The following TMEM243 variants were observed in gnomAD, a reference collection of about 807,000 sequenced individuals.
TMEM243 encodes transmembrane protein 243, also known as MDR1 and mitochondrial taxol resistance associated.
In TMEM243, 20 loss-of-function variants were observed where a neutral mutation model predicts 15.0. The ratio of observed to expected loss-of-function variants is 1.33; its 90% CI spans 0.94 to 1.93. TMEM243 has a LOEUF of 1.93. TMEM243 is among the 30% of genes most tolerant of loss of function. The pLI is 0.00. For synonymous variants in TMEM243, 72 were observed against 52.7 expected (o/e 1.37, Z -1.59); for missense variants, 156 against 142.1 (o/e 1.10, Z -0.50).
intron 3 of TMEM243, among the ~76,000 whole-genome samples, chr7:87,196,976 T>C (rs1584509069): frequency 6.6e-6 from 1 of 152,042 alleles, no homozygotes; most frequent in Admixed American, 6.6e-5. Context: ...CTCAGTTTAC[T>C]TTCCTCTATA....
At chr7:87,219,856 G>GCGCCGCC (rs1803386979), upstream of TMEM243, 1 of 321,120 alleles carries the variant, frequency 3.1e-6, no homozygotes, top group South Asian at 3.9e-5. Flanking sequence ...CGCCAGGGTA[G>GCGCCGCC]CGCCGCCCGC....
At chr7:87,198,295 A>C (rs117986766) in intron 2 of TMEM243, 5 of 367,068 alleles carry the variant, frequency 1.4e-5, no homozygotes, top group Non-Finnish European at 1.9e-5. Context: ...TGCCAAAATA[A>C]CTTCATTAAC....
chr7:87,215,550 C>A (rs1803043892), intron 1 of TMEM243, among the ~76,000 whole-genome samples: 1 of 152,112 alleles, frequency 6.6e-6, no homozygotes, highest in Admixed American at 6.5e-5. Flanking sequence ...ACATATATGG[C>A]TGCTCACATC....
chr7:87,210,398 G>A (rs1351363858), intron 1 of TMEM243, among the ~76,000 whole-genome samples: 1 of 152,236 alleles, frequency 6.6e-6, no homozygotes, highest in South Asian at 2.1e-4. Flanking sequence ...TAACTCAAAA[G>A]TCCAAGTCCA....
intron 1 of TMEM243, among the ~76,000 whole-genome samples, chr7:87,209,429 AGT>A (rs1180031184): frequency 1.3e-5 from 2 of 151,684 alleles, no homozygotes; most frequent in Non-Finnish European, 2.9e-5. Flanking sequence ...AGTGAAAGAG[AGT>A]GAGACAGAGA....
chr7:87,211,104 G>C (rs1802712043), intron 1 of TMEM243, among the ~76,000 whole-genome samples: 1 of 152,228 alleles, frequency 6.6e-6, no homozygotes, highest in Admixed American at 6.5e-5. Flanking sequence ...GAAGCTCTCT[G>C]AAATTCCCTG....
At chr7:87,200,696 G>C (rs1801734958) in intron 1 of TMEM243, among the ~76,000 whole-genome samples, 1 of 152,132 alleles carries the variant, frequency 6.6e-6, no homozygotes, top group Non-Finnish European at 1.5e-5. Context: ...GGATGAAATG[G>C]TAATATGACT....
chr7:87,201,646 T>C (rs777310548), intron 1 of TMEM243, among the ~76,000 whole-genome samples: 7 of 152,200 alleles, frequency 4.6e-5, no homozygotes, highest in Non-Finnish European at 1.0e-4. Flanking sequence ...ATGCTCCAAA[T>C]TGGAGCTAGA....
At chr7:87,209,786 G>A (rs1802579110) in intron 1 of TMEM243, among the ~76,000 whole-genome samples, 1 of 145,586 alleles carries the variant, frequency 6.9e-6, no homozygotes, top group South Asian at 2.2e-4. Context: ...GAGCGAGACA[G>A]TGAGAGCGAG....
intron 1 of TMEM243, among the ~76,000 whole-genome samples, chr7:87,206,544 A>T (rs908323169): frequency 2.0e-5 from 3 of 152,344 alleles, no homozygotes; most frequent in Admixed American, 6.5e-5. Flanking sequence ...TCAATCAGAT[A>T]ACAGAGATGG....
At chr7:87,196,945 G>C (rs180808253) in intron 3 of TMEM243, among the ~76,000 whole-genome samples, 187 bp from the exon 4 acceptor site, 292 of 151,952 alleles carry the variant, frequency 1.9e-3, no homozygotes, top group African/African-American at 6.8e-3. Context: ...CCACATCCAA[G>C]ATCATACTTA....
At chr7:87,205,576 T>C (rs369559392) in intron 1 of TMEM243, among the ~76,000 whole-genome samples, 3 of 152,180 alleles carry the variant, frequency 2.0e-5, no homozygotes, top group African/African-American at 4.8e-5. Context: ...CACAAATCTC[T>C]AGGGCTGGGG....
At chr7:87,201,673 G>A (rs900678685) in intron 1 of TMEM243, among the ~76,000 whole-genome samples, 5 of 152,176 alleles carry the variant, frequency 3.3e-5, no homozygotes, top group Admixed American at 6.5e-5. Flanking sequence ...GGAGAAAAGT[G>A]AGTAATACAT....
chr7:87,200,398 T>A (rs1177026063), intron 1 of TMEM243, among the ~76,000 whole-genome samples: 1 of 152,164 alleles, frequency 6.6e-6, no homozygotes, highest in African/African-American at 2.4e-5. Flanking sequence ...CACTTTAACT[T>A]CTTCCCACAT....
In TMEM243 at chr7:87,196,699, G is replaced by A; in HGVS notation, c.294C>T (p.Ile98=). The A allele has an allele frequency of 6.2e-7, 1 of 1,608,854 alleles. No individual in the cohort carries two copies. The highest frequency in any genetic ancestry group is 8.5e-7 in the Non-Finnish European group (1 of 1,177,070). ...TACACAACATGATGATAGAAAATATGATATAGTAAATTAGCTTTCTAAATT... is the reference window on the plus strand; with the variant it reads ...TACACAACATGATGATAGAAAATATAATATAGTAAATTAGCTTTCTAAATT... ...EPKFRKLIYY[I]IFSIIMLCIC... The change falls in exon 4 of 4, where the codon ATC becomes ATT. Residue 98 remains isoleucine (I), a synonymous_variant. Transcript: ENST00000257637.
chr7:87,196,644 C>T lies in TMEM243; in HGVS notation c.349G>A (p.Gly117Arg), dbSNP rs750641077. The T allele has an allele frequency of 1.2e-5, 19 of 1,608,420 alleles. No homozygotes were observed. Among genetic ancestry groups the T allele is most frequent in the Non-Finnish European group, 1.2e-5 (14 of 1,177,620 alleles). ...ACTTCTCCTTGGCAGCCTCACCTTC[C>T]CACATCATGGAAGTACAGGTTTGCA... ...ICANLYFHDV[G>R]R The change falls in exon 4 of 4, where the codon GGA (glycine) becomes AGA (arginine). Residue 117 changes from glycine (G) to arginine (R), a missense_variant. Gly to Arg is a moderately radical substitution (Grantham distance 125, BLOSUM62 -2). Transcript: ENST00000257637.
At chr7:87,217,448 T>C (rs1198170898) in intron 1 of TMEM243, among the ~76,000 whole-genome samples, 4 of 152,212 alleles carry the variant, frequency 2.6e-5, no homozygotes, top group African/African-American at 9.7e-5. Context: ...TCCTGGGCCT[T>C]ACCCTCCTCA....
At chr7:87,214,576 A>G (rs2129238549) in intron 1 of TMEM243, among the ~76,000 whole-genome samples, 1 of 152,338 alleles carries the variant, frequency 6.6e-6, no homozygotes, top group South Asian at 2.1e-4. Flanking sequence ...AACAGTTTAT[A>G]AAGTGCTACT....
Position 87,219,544 on chromosome 7 carries a change from G to A in TMEM243, c.-41C>T, listed in dbSNP as rs1304655862. 1 of 1,579,452 alleles carries A rather than the reference G, an allele frequency of 6.3e-7. No homozygotes were observed. Among genetic ancestry groups the A allele is most frequent in the African/African-American group, 1.3e-5 (1 of 74,198 alleles). On this transcript the variant is annotated 5_prime_UTR_variant, in exon 1 of 4. Transcript: ENST00000257637. The stretch of plus-strand genomic sequence containing the variant: ...CTTTCCCCAAGCCACTTAAAAGCAA[G>A]ACAGCATGACCTCCCGAGGTCTCAG...
Sources: gnomAD v4.1 joint callset for allele counts (sites outside exome capture counted in the v4.1 genomes callset) on GRCh38, gnomAD v4.1.1 for gene constraint, MANE v1.5 for transcripts, NCBI Gene and HGNC (gene_info 2026-07-23, HGNC 2026-07-21) for gene names.